KIAA0825: variants seen among roughly 807,000 people sequenced by gnomAD.
The protein encoded by KIAA0825 is KIAA0825, also known as uncharacterized protein KIAA0825.
A neutral mutation model predicts 147.6 loss-of-function variants in KIAA0825; 119 were observed. That is an observed-to-expected ratio of 0.81 (90% confidence interval 0.69 to 0.94). KIAA0825 has a LOEUF of 0.94. Among genes scored for constraint, KIAA0825 ranks in the 40% least tolerant of loss-of-function variants. The probability of loss-of-function intolerance (pLI) is 0.00; values close to 1 mark genes in which losing one functional copy is unlikely to be tolerated. For synonymous variants in KIAA0825, 470 were observed against 518.1 expected (o/e 0.91, Z 1.26); for missense variants, 1,381 against 1,472.7 (o/e 0.94, Z 1.02).
intron 15 of KIAA0825, among the ~76,000 whole-genome samples, chr5:94,410,796 G>C (rs1034298877): frequency 4.6e-5 from 7 of 151,938 alleles, no homozygotes; most frequent in Non-Finnish European, 1.0e-4. Context: ...AATACTTTTT[G>C]TCACGCAATC....
At chr5:94,541,340 A>G (rs1773266278) in intron 2 of KIAA0825, among the ~76,000 whole-genome samples, 1 of 152,272 alleles carries the variant, frequency 6.6e-6, no homozygotes, top group Non-Finnish European at 1.5e-5. Context: ...GTTAACACTT[A>G]ACATGTAATT....
intron 20 of KIAA0825, among the ~76,000 whole-genome samples, chr5:94,176,701 C>T (rs1368532108): frequency 2.6e-5 from 4 of 151,960 alleles, no homozygotes; most frequent in Admixed American, 6.6e-5. Context: ...GGAACTATAC[C>T]CAAAGAGTAC....
rs1759329676 is a variant in KIAA0825, at chr5:94,457,990, A to G, written c.2246+4397T>C. ...TAAATAATACCAAGAGAAGACCACA[A>G]CCTTAGAAAAGGCAGAATTAGTGTG... On this transcript the variant is annotated intron_variant, in intron 12 of 20. Coordinates refer to ENST00000682413, the MANE Select transcript of KIAA0825 (RefSeq NM_001145678.3). Among the ~76,000 whole-genome samples the G allele has an allele frequency of 2.6e-5, 4 of 152,252 alleles. No individual in the cohort carries two copies. The South Asian group carries it at 8.3e-4, about 32-fold the overall frequency.
intron 2 of KIAA0825, among the ~76,000 whole-genome samples, chr5:94,544,532 T>C (rs1773951502): frequency 6.6e-6 from 1 of 152,170 alleles, no homozygotes; most frequent in Admixed American, 6.5e-5. Context: ...ATGCCTCCAG[T>C]TTATTCATTG....
At chr5:94,374,507 A>G (rs967946237) in intron 20 of KIAA0825, among the ~76,000 whole-genome samples, 6 of 152,198 alleles carry the variant, frequency 3.9e-5, no homozygotes, top group African/African-American at 1.4e-4. Context: ...CTGTTAGCAT[A>G]GTTGACTAAT....
intron 20 of KIAA0825, among the ~76,000 whole-genome samples, chr5:94,265,687 G>T (rs1188686320): frequency 6.6e-6 from 1 of 152,134 alleles, no homozygotes; most frequent in Non-Finnish European, 1.5e-5. Context: ...TGTAATCCCA[G>T]CTACTCAGGA....
At chr5:94,445,205 C>T (rs1440133707) in intron 13 of KIAA0825, among the ~76,000 whole-genome samples, 1 of 152,084 alleles carries the variant, frequency 6.6e-6, no homozygotes, top group African/African-American at 2.4e-5. Flanking sequence ...CATTCCTGAC[C>T]CAGTAAGAAA....
chr5:94,465,366 G>A (rs1226134043), intron 10 of KIAA0825, among the ~76,000 whole-genome samples: 1 of 152,194 alleles, frequency 6.6e-6, no homozygotes, highest in African/African-American at 2.4e-5. Context: ...TGTAGTTGCT[G>A]AAAAAGCCAT....
chr5:94,478,543 T>G (rs1338281484), intron 6 of KIAA0825, among the ~76,000 whole-genome samples: 1 of 152,038 alleles, frequency 6.6e-6, no homozygotes, highest in Admixed American at 6.6e-5. Context: ...GACTGCAGTT[T>G]AAGAATCCTA....
intron 20 of KIAA0825, among the ~76,000 whole-genome samples, chr5:94,267,865 T>C (rs1234092947): frequency 6.6e-6 from 1 of 152,130 alleles, no homozygotes; most frequent in Non-Finnish European, 1.5e-5. Flanking sequence ...ATATGTTAAG[T>C]TTGCAGGTAA....
At chr5:94,546,804 A>AT (rs1421848703) in intron 2 of KIAA0825, among the ~76,000 whole-genome samples, 1 of 151,202 alleles carries the variant, frequency 6.6e-6, no homozygotes, top group Non-Finnish European at 1.5e-5. Flanking sequence ...AAAAAAAAAA[A>AT]AAAAAAAAAA....
chr5:94,367,868 G>A (rs1311665417), intron 20 of KIAA0825, among the ~76,000 whole-genome samples: 1 of 152,190 alleles, frequency 6.6e-6, no homozygotes, highest in African/African-American at 2.4e-5. Context: ...ATTCATGGCA[G>A]TTTAATATGT....
At chr5:94,501,536 C>T (rs530475130) in intron 5 of KIAA0825, among the ~76,000 whole-genome samples, 6 of 152,328 alleles carry the variant, frequency 3.9e-5, no homozygotes, top group South Asian at 2.1e-4. Context: ...TTGAGCACTA[C>T]GTGGCCATCC....
At chr5:94,365,599 T>C (rs996912630) in intron 20 of KIAA0825, among the ~76,000 whole-genome samples, 1 of 152,134 alleles carries the variant, frequency 6.6e-6, no homozygotes. Flanking sequence ...GAGAAAATTA[T>C]TACAGTGAAA....
chr5:94,529,292 A>G lies in KIAA0825; in HGVS notation c.132-5194T>C, dbSNP rs532562242. Among the ~76,000 whole-genome samples the G allele has an allele frequency of 1.7e-3, 231 of 136,306 alleles. 1 individual carries two copies. Among genetic ancestry groups the G allele is most frequent in the Middle Eastern group, 8.5e-3 (2 of 236 alleles). 89.4% of individuals were successfully genotyped at this position (136,306 alleles called of 152,430 possible). Reference sequence around the variant, plus strand: ...ATATGTATGTATCATATATATGTATATATCATATATATGTATATATCATAT... The same window carrying G: ...ATATGTATGTATCATATATATGTATGTATCATATATATGTATATATCATAT... On this transcript the variant is annotated intron_variant, in intron 3 of 20. Coordinates refer to ENST00000682413, the MANE Select transcript of KIAA0825 (RefSeq NM_001145678.3).
chr5:94,210,904 C>A (rs1370760177), intron 20 of KIAA0825, among the ~76,000 whole-genome samples: 4 of 152,084 alleles, frequency 2.6e-5, no homozygotes, highest in Non-Finnish European at 5.9e-5. Flanking sequence ...ATGTAGTGTA[C>A]AAGTAAAAGA....
chr5:94,312,220 GGT>G (rs142667357), intron 20 of KIAA0825, among the ~76,000 whole-genome samples: 12 of 149,214 alleles, frequency 8.0e-5, no homozygotes, highest in Admixed American at 1.3e-4. Context: ...TAATATACAT[GGT>G]GTGTGTGTGT....
At chr5:94,447,967 C>T (rs558121152) in intron 13 of KIAA0825, among the ~76,000 whole-genome samples, 3 of 152,122 alleles carry the variant, frequency 2.0e-5, no homozygotes, top group South Asian at 4.2e-4. Context: ...TTATGACCTA[C>T]TTAGCTAAGG....
chr5:94,289,992 C>T (rs1777817454), intron 20 of KIAA0825, among the ~76,000 whole-genome samples: 1 of 149,106 alleles, frequency 6.7e-6, no homozygotes, highest in Admixed American at 6.7e-5. Flanking sequence ...GGAATTCAAA[C>T]ATTGCACAGT....
Sources: gnomAD v4.1 joint callset for allele counts (sites outside exome capture counted in the v4.1 genomes callset) on GRCh38, gnomAD v4.1.1 for gene constraint, MANE v1.5 for transcripts, NCBI Gene and HGNC (gene_info 2026-07-23, HGNC 2026-07-21) for gene names.